The following JMJD1C variants were observed in gnomAD, a reference collection of about 807,000 sequenced individuals.
JMJD1C encodes the protein jumonji domain containing 1C.
Under a neutral mutation model 245.3 loss-of-function variants are expected in JMJD1C, and 31 were observed. The ratio of observed to expected loss-of-function variants is 0.13; its 90% CI spans 0.09 to 0.17. The LOEUF (loss-of-function observed/expected upper bound fraction) is 0.17, where lower values mean the gene tolerates loss of function less well. Among genes scored for constraint, JMJD1C ranks in the 10% least tolerant of loss-of-function variants. The pLI is 1.00. For synonymous variants in JMJD1C, 1,057 were observed against 1,017.4 expected, an observed-to-expected ratio of 1.04 and a Z score of -0.74; for missense variants, 2,691 against 3,000.2, an observed-to-expected ratio of 0.90 and a Z score of 2.41.
At chr10:63,271,147 A>G (rs1856249015) in intron 2 of JMJD1C, among the ~76,000 whole-genome samples, 1 of 152,108 alleles carries the variant, frequency 6.6e-6, no homozygotes, top group Non-Finnish European at 1.5e-5. Context: ...AATTTATTTT[A>G]AAAAGATGTA....
At chr10:63,387,530 A>T (rs1350781115) in intron 1 of JMJD1C, among the ~76,000 whole-genome samples, 1 of 146,336 alleles carries the variant, frequency 6.8e-6, no homozygotes, top group East Asian at 2.0e-4. Flanking sequence ...AACAAAATAC[A>T]TTCAAACCTT....
intron 2 of JMJD1C, among the ~76,000 whole-genome samples, chr10:63,267,929 C>T (rs1855805952): frequency 6.6e-6 from 1 of 151,958 alleles, no homozygotes; most frequent in Admixed American, 6.6e-5. Context: ...ATGAGGAAGA[C>T]GCGAACAGAT....
intron 2 of JMJD1C, among the ~76,000 whole-genome samples, chr10:63,266,038 A>C (rs1855535605): frequency 6.6e-6 from 1 of 152,086 alleles, no homozygotes; most frequent in Non-Finnish European, 1.5e-5. Context: ...GACTCACTGC[A>C]ATCTGTAACA....
chr10:63,432,297 T>C (rs1213932139), intron 1 of JMJD1C, among the ~76,000 whole-genome samples: 1 of 152,178 alleles, frequency 6.6e-6, no homozygotes, highest in Non-Finnish European at 1.5e-5. Flanking sequence ...AGCCCGGGTG[T>C]TCACCTTTGT....
At chr10:63,356,361 C>T (rs1255075343) in intron 2 of JMJD1C, among the ~76,000 whole-genome samples, 3 of 152,220 alleles carry the variant, frequency 2.0e-5, no homozygotes, top group African/African-American at 7.2e-5. Flanking sequence ...ATTTCTTCAT[C>T]ATCAAAGAAA....
chr10:63,444,759 G>A (rs532122157), intron 1 of JMJD1C, among the ~76,000 whole-genome samples: 1 of 151,938 alleles, frequency 6.6e-6, no homozygotes, highest in South Asian at 2.1e-4. Context: ...CTGAGAAGCT[G>A]GCATTACAGG....
At chr10:63,478,049 AG>A (rs1346161232) in intron 1 of JMJD1C, among the ~76,000 whole-genome samples, 1 of 152,200 alleles carries the variant, frequency 6.6e-6, no homozygotes, top group Non-Finnish European at 1.5e-5. Flanking sequence ...AAGGAAGATA[AG>A]GAACAATCAG....
intron 2 of JMJD1C, among the ~76,000 whole-genome samples, chr10:63,371,307 C>G (rs1946299404): frequency 6.6e-6 from 1 of 152,106 alleles, no homozygotes; most frequent in Non-Finnish European, 1.5e-5. Context: ...ATACATAATT[C>G]TAGTGCTGAT....
intron 3 of JMJD1C, chr10:63,223,076 T>C (rs1260270300): frequency 1.7e-5 from 16 of 931,116 alleles, no homozygotes; most frequent in Admixed American, 2.4e-5. Context: ...CTTTCCATCA[T>C]GTATGTAAAA....
At chr10:63,519,009 A>C (rs1955116490) in intron 1 of JMJD1C, among the ~76,000 whole-genome samples, 1 of 152,222 alleles carries the variant, frequency 6.6e-6, no homozygotes, top group African/African-American at 2.4e-5. Context: ...CCATGGTACC[A>C]AAAGGGAATA....
At chr10:63,232,707 T>G (rs1018988416) in intron 3 of JMJD1C, among the ~76,000 whole-genome samples, 1 of 152,172 alleles carries the variant, frequency 6.6e-6, no homozygotes, top group Non-Finnish European at 1.5e-5. Flanking sequence ...GAAGTATATG[T>G]CATGAGAAAT....
rs949966704 is a variant in JMJD1C, at chr10:63,225,061, GAAAAAAAA to G, written c.448-5086_448-5079del. On this transcript the variant is annotated intron_variant, in intron 3 of 25. Coordinates refer to ENST00000399262, the MANE Select transcript of JMJD1C (RefSeq NM_032776.3). Reference sequence around the variant, plus strand: ...TAGAGACAGAGCGAGACTCTGTCTCGAAAAAAAAAGAAAAAAATCCACTTAATGGCACA... The same window carrying G: ...TAGAGACAGAGCGAGACTCTGTCTCGAGAAAAAAATCCACTTAATGGCACA... Among the ~76,000 whole-genome samples the G allele has an allele frequency of 3.4e-5, 5 of 146,698 alleles. No individual in the cohort carries two copies. In the South Asian group the frequency reaches 1.1e-3, roughly 32 times the overall value.
chr10:63,461,046 CAATT>C (rs1952760115), intron 1 of JMJD1C, among the ~76,000 whole-genome samples: 2 of 152,114 alleles, frequency 1.3e-5, no homozygotes, highest in Non-Finnish European at 1.5e-5. Context: ...CACAGAAACA[CAATT>C]AACAACATTT....
intron 13 of JMJD1C, among the ~76,000 whole-genome samples, chr10:63,195,771 A>G: frequency 6.6e-6 from 1 of 151,892 alleles, no homozygotes; most frequent in Non-Finnish European, 1.5e-5. Context: ...TACTAAAAAT[A>G]CAAAAAAATT....
At position 63,206,925 on chromosome 10, in the gene JMJD1C, A is replaced by G; in HGVS notation, c.4744T>C (p.Cys1582Arg). 1 of 1,611,280 alleles carries G rather than the reference A, an allele frequency of 6.2e-7. No homozygotes were observed. The highest frequency in any genetic ancestry group is 8.5e-7 in the Non-Finnish European group (1 of 1,178,152). ...GNSVSEIIKP[C>R]SVNLIASTSS... is the part of the protein sequence containing the mutation. ...GTAGAGGCTATTAAGTTGACAGAAC[A>G]TGGCTTAATAATTTCTGATACAGAA... Residue 1582 changes from cysteine to arginine, a missense_variant, in exon 10 of 26, where the codon TGT (cysteine) becomes CGT (arginine). By Grantham distance (180) the Cys-to-Arg change is radical (BLOSUM62 -3). Coordinates refer to ENST00000399262, the MANE Select transcript of JMJD1C (RefSeq NM_032776.3).
intron 1 of JMJD1C, among the ~76,000 whole-genome samples, chr10:63,412,993 T>C (rs978206183): frequency 6.6e-6 from 1 of 152,028 alleles, no homozygotes; most frequent in African/African-American, 2.4e-5. Flanking sequence ...ATTGATTTAA[T>C]TAAAATAAAT....
At chr10:63,378,556 C>A (rs1352413903) in intron 2 of JMJD1C, among the ~76,000 whole-genome samples, 6 of 152,168 alleles carry the variant, frequency 3.9e-5, no homozygotes, top group Non-Finnish European at 8.8e-5. Context: ...CATGCCACTG[C>A]ACTCCAGCCT....
intron 2 of JMJD1C, chr10:63,358,790 T>C (rs1464529128): frequency 6.5e-6 from 1 of 153,188 alleles, no homozygotes; most frequent in African/African-American, 2.4e-5. Context: ...AAAGGCAGTC[T>C]GGAAAGGCGG....
intron 2 of JMJD1C, among the ~76,000 whole-genome samples, chr10:63,379,704 T>A (rs1433342355): frequency 6.6e-6 from 1 of 152,184 alleles, no homozygotes; most frequent in African/African-American, 2.4e-5. Context: ...CAGTCAACTA[T>A]CTCTCAGGTC....
Sources: allele counts gnomAD v4.1 joint callset (sites outside exome capture counted in the v4.1 genomes callset), GRCh38; gene constraint gnomAD v4.1.1; transcripts MANE v1.5; gene names NCBI Gene and HGNC (gene_info 2026-07-23, HGNC 2026-07-21).